Variants in TNFAIP6 observed in about 807,000 individuals in gnomAD.
TNFAIP6 encodes TNF alpha induced protein 6.
TNFAIP6 carries 36 observed loss-of-function variants against 33.7 expected under a neutral mutation model. The observed-to-expected ratio is 1.07, with a 90% CI of 0.82 to 1.41. The LOEUF is 1.41. TNFAIP6 is among the 40% of genes most tolerant of loss of function. TNFAIP6 has a pLI of 0.00. For synonymous variants in TNFAIP6, 113 were observed against 112.8 expected (o/e 1.00, Z -0.01); for missense variants, 273 against 331.9 (o/e 0.82, Z 1.38).
chr2:151,373,744 C>CA (rs35356355), intron 5 of TNFAIP6, 155 bp downstream of exon 5: 101,158 of 242,622 alleles, frequency 0.42, 13,606 homozygotes, highest in South Asian at 0.49. Flanking sequence ...TTGTAAAATG[C>CA]AAAAAAAAAA....
intron 4 of TNFAIP6, among the ~76,000 whole-genome samples, chr2:151,371,163 C>T (rs1032931802): frequency 6.6e-6 from 1 of 152,082 alleles, no homozygotes; most frequent in African/African-American, 2.4e-5. Flanking sequence ...GGTAAATAAG[C>T]AAAGTTTAAC....
chr2:151,368,150 T>C (rs962470769), intron 3 of TNFAIP6, among the ~76,000 whole-genome samples: 4 of 151,994 alleles, frequency 2.6e-5, no homozygotes, highest in African/African-American at 9.7e-5. Context: ...TTGTATATTT[T>C]ATTATACAGT....
chr2:151,367,868 AT>A (rs1352093135), intron 3 of TNFAIP6, among the ~76,000 whole-genome samples: 11 of 152,138 alleles, frequency 7.2e-5, no homozygotes, highest in East Asian at 3.9e-4. Flanking sequence ...AAAAAAAAAA[AT>A]AATGGCTTCA....
At chr2:151,372,539 C>G (rs1178294601) in intron 4 of TNFAIP6, among the ~76,000 whole-genome samples, 1 of 152,136 alleles carries the variant, frequency 6.6e-6, no homozygotes, top group Non-Finnish European at 1.5e-5. Flanking sequence ...TTAAATCAGT[C>G]TATCCTAGAA....
Position 151,370,145 on chromosome 2 carries a change from C to G in TNFAIP6, c.520C>G (p.His174Asp). ...HIRLKYGQRI[H>D]LSFLDFDLED... ...TAGACTCAAGTATGGTCAGCGTATT[C>G]ACCTGAGTTTTTTAGATTTTGACCT... Residue 174 changes from histidine to aspartate, a missense_variant, in exon 4 of 6, where the codon CAC becomes GAC. By Grantham distance (81) the His-to-Asp change is moderately conservative (BLOSUM62 -1). Transcript: ENST00000243347. 1 of 1,614,050 alleles carries G rather than the reference C, an allele frequency of 6.2e-7. No homozygotes were observed. Among genetic ancestry groups the G allele is most frequent in the Non-Finnish European group, 8.5e-7 (1 of 1,179,980 alleles).
At chr2:151,363,658 T>C (rs1036113114) in intron 1 of TNFAIP6, among the ~76,000 whole-genome samples, 3 of 152,038 alleles carry the variant, frequency 2.0e-5, no homozygotes, top group Non-Finnish European at 4.4e-5. Context: ...AGACTCCGTC[T>C]CAAAAAAACA....
chr2:151,358,582 T>A (rs1214629007), intron 1 of TNFAIP6, among the ~76,000 whole-genome samples: 1 of 152,224 alleles, frequency 6.6e-6, no homozygotes, highest in African/African-American at 2.4e-5. Flanking sequence ...AAATTGAATT[T>A]CTTGGGGAAA....
intron 3 of TNFAIP6, among the ~76,000 whole-genome samples, chr2:151,368,005 G>T (rs1053618068): frequency 2.6e-5 from 4 of 151,780 alleles, no homozygotes; most frequent in African/African-American, 7.3e-5. Flanking sequence ...AGCCAAATAG[G>T]CAGCCAAATT....
In TNFAIP6 at chr2:151,379,990, T is replaced by C. The variant is rs1402409654; in HGVS notation, c.*457T>C. 1.3e-5 allele frequency: 2 copies of C among 152,256 alleles called. No homozygotes were observed. Among genetic ancestry groups the C allele is most frequent in the African/African-American group, 4.8e-5 (2 of 41,480 alleles). The allele number at this position is 152,256 out of a possible 1,614,324, so 9.4% of individuals were successfully genotyped here. A position where few individuals can be genotyped will look rare whatever the true frequency, so the allele number is the denominator to read the frequency against. On this transcript the variant is annotated 3_prime_UTR_variant, in exon 6 of 6. Coordinates refer to ENST00000243347, the MANE Select transcript of TNFAIP6 (RefSeq NM_007115.4). Reference sequence around the variant, plus strand: ...ATGCATTATTTAAGCCTGTCTCTATTGTTGGAATTTCAGGTCATTTTCATA... The same window carrying C: ...ATGCATTATTTAAGCCTGTCTCTATCGTTGGAATTTCAGGTCATTTTCATA...
Position 151,370,033 on chromosome 2 carries a change from T to A in TNFAIP6, c.408T>A (p.Gly136=). 3 of 1,613,166 alleles carry A rather than the reference T, an allele frequency of 1.9e-6. No homozygotes were observed. The highest frequency in any genetic ancestry group is 2.5e-6 in the Non-Finnish European group (3 of 1,179,430). The change falls in exon 4 of 6, where the codon GGT becomes GGA. Residue 136 remains glycine (G), a synonymous_variant. Coordinates refer to ENST00000243347, the MANE Select transcript of TNFAIP6 (RefSeq NM_007115.4). ...YCYNPHAKEC[G]GVFTDPKQIF... is the part of the protein sequence containing the mutation. Reference sequence around the variant, plus strand: ...TTCTCATTTCAGCAAAGGAGTGTGGTGGCGTCTTTACAGATCCAAAGCAAA... The same window carrying A: ...TTCTCATTTCAGCAAAGGAGTGTGGAGGCGTCTTTACAGATCCAAAGCAAA...
intron 5 of TNFAIP6, among the ~76,000 whole-genome samples, chr2:151,375,535 C>T (rs576425948): frequency 2.6e-5 from 4 of 151,948 alleles, no homozygotes; most frequent in Non-Finnish European, 4.4e-5. Context: ...GGTGAAACTC[C>T]GTCTCTACTA....
At chr2:151,380,728 TTTGAGGG>T (rs1684999706), downstream of TNFAIP6, among the ~76,000 whole-genome samples, 1 of 152,116 alleles carries the variant, frequency 6.6e-6, no homozygotes, top group Non-Finnish European at 1.5e-5. Context: ...AACTGGTCTG[TTTGAGGG>T]TTTGGCTATT....
chr2:151,370,205 G>C lies in TNFAIP6; in HGVS notation c.580G>C (p.Glu194Gln), dbSNP rs766487949. ...CCCAGGTTGCTTGGCTGATTATGTT[G>C]AAATATATGACAGTTACGATGATGT... Reference protein sequence around the residue: ...DDPGCLADYVEIYDSYDDVHG... With the variant: ...DDPGCLADYVQIYDSYDDVHG... Residue 194 changes from glutamate (E) to glutamine (Q), a missense_variant, in exon 4 of 6, where the codon GAA (glutamate) becomes CAA (glutamine). Coordinates refer to ENST00000243347, the MANE Select transcript of TNFAIP6 (RefSeq NM_007115.4). 9 of 1,613,994 alleles carry C rather than the reference G, an allele frequency of 5.6e-6. No individual in the cohort carries two copies. The highest frequency in any genetic ancestry group is 7.6e-6 in the Non-Finnish European group (9 of 1,180,028).
chr2:151,363,618 C>T (rs1684664917), intron 1 of TNFAIP6, among the ~76,000 whole-genome samples: 1 of 151,912 alleles, frequency 6.6e-6, no homozygotes, highest in African/African-American at 2.4e-5. Flanking sequence ...GCTGAGATCG[C>T]GCCACTGCAC....
chr2:151,361,982 C>T (rs1213064841), intron 1 of TNFAIP6, among the ~76,000 whole-genome samples: 1 of 152,176 alleles, frequency 6.6e-6, no homozygotes, highest in African/African-American at 2.4e-5. Context: ...ATGTCAACTT[C>T]AGTTTGGGGT....
chr2:151,374,997 T>C (rs978983732), intron 5 of TNFAIP6, among the ~76,000 whole-genome samples: 2 of 151,954 alleles, frequency 1.3e-5, no homozygotes, highest in African/African-American at 4.8e-5. Context: ...TGGAGGCACA[T>C]GCCTGTAATC....
At chr2:151,360,372 C>T (rs895874240) in intron 1 of TNFAIP6, among the ~76,000 whole-genome samples, 18 of 152,066 alleles carry the variant, frequency 1.2e-4, no homozygotes, top group African/African-American at 4.3e-4. Flanking sequence ...ATCATTAGTC[C>T]CATTTGACAA....
At position 151,376,391 on chromosome 2, in the gene TNFAIP6, C is replaced by T. The variant is rs547528135; in HGVS notation, c.664+2802C>T. 2.6e-3 allele frequency among the ~76,000 whole-genome samples: 386 copies of T among 147,922 alleles called. 2 individuals carry two copies. Among genetic ancestry groups the T allele is most frequent in the African/African-American group, 9.0e-3 (361 of 40,260 alleles). ...CCATGATCATGCCACTGCTCTCCAGCCTGGGAGACAGAGTGATATTCTGTC... is the reference window on the plus strand; with the variant it reads ...CCATGATCATGCCACTGCTCTCCAGTCTGGGAGACAGAGTGATATTCTGTC... On this transcript the variant is annotated intron_variant, in intron 5 of 5. Coordinates refer to ENST00000243347, the MANE Select transcript of TNFAIP6 (RefSeq NM_007115.4).
At chr2:151,360,442 A>G (rs1047138842) in intron 1 of TNFAIP6, among the ~76,000 whole-genome samples, 1 of 152,240 alleles carries the variant, frequency 6.6e-6, no homozygotes, top group African/African-American at 2.4e-5. Context: ...CAGTGGAACC[A>G]AAGTCCATTT....
Sources: gnomAD v4.1 joint callset for allele counts (sites outside exome capture counted in the v4.1 genomes callset) on GRCh38, gnomAD v4.1.1 for gene constraint, MANE v1.5 for transcripts, NCBI Gene and HGNC (gene_info 2026-07-23, HGNC 2026-07-21) for gene names.